CDH13: variants seen among roughly 807,000 people sequenced by gnomAD.
The protein encoded by CDH13 is cadherin 13, also known as cadherin-13.
A neutral mutation model predicts 63.8 loss-of-function variants in CDH13; 24 were observed. The ratio of observed to expected loss-of-function variants is 0.38; its 90% CI spans 0.27 to 0.53. CDH13 has a LOEUF of 0.53. Ranked by LOEUF, CDH13 falls within the 20% of genes least tolerant of loss-of-function variation. The pLI is 0.85. For synonymous variants in CDH13, 503 were observed against 355.3 expected, an observed-to-expected ratio of 1.42 and a Z score of -4.67; for missense variants, 1,049 against 903.1, an observed-to-expected ratio of 1.16 and a Z score of -2.07.
intron 7 of CDH13, among the ~76,000 whole-genome samples, chr16:83,522,500 C>T (rs528098860): frequency 6.6e-6 from 1 of 152,240 alleles, no homozygotes; most frequent in South Asian, 2.1e-4. Context: ...AGACTTGAAG[C>T]TGGTAATACT....
At position 83,595,162 on chromosome 16, in the gene CDH13, C is replaced by G. The variant is rs1420680839; in HGVS notation, c.961-7292C>G. Among the ~76,000 whole-genome samples, 4 of 152,212 alleles carry G rather than the reference C, an allele frequency of 2.6e-5. No individual in the cohort carries two copies. In the East Asian group the frequency reaches 7.7e-4, roughly 29 times the overall value. ...GCCAATTTAAGTTTTCCAGTTTTGA[C>G]ACAGTGCATTTCTTCCTCCAAATAA... On this transcript the variant is annotated intron_variant, in intron 7 of 13. Coordinates refer to ENST00000567109, the MANE Select transcript of CDH13 (RefSeq NM_001257.5).
At chr16:83,450,954 G>A (rs908803311) in intron 6 of CDH13, among the ~76,000 whole-genome samples, 1 of 152,094 alleles carries the variant, frequency 6.6e-6, no homozygotes, top group South Asian at 2.1e-4. Flanking sequence ...TCCCCTGGAG[G>A]GCTTGTGAAA....
At chr16:83,251,976 C>T (rs903905712) in intron 5 of CDH13, among the ~76,000 whole-genome samples, 2 of 151,822 alleles carry the variant, frequency 1.3e-5, no homozygotes, top group Non-Finnish European at 2.9e-5. Context: ...CCTTATAGGT[C>T]AGCAGTGTCC....
At chr16:83,725,224 G>T (rs1428473909) in intron 10 of CDH13, among the ~76,000 whole-genome samples, 1 of 152,236 alleles carries the variant, frequency 6.6e-6, no homozygotes. Context: ...TGTTCAGGCA[G>T]AGGAAATGGG....
intron 6 of CDH13, among the ~76,000 whole-genome samples, chr16:83,423,127 A>G (rs990734346): frequency 6.6e-6 from 1 of 152,166 alleles, no homozygotes. Flanking sequence ...TTTCTGCTAT[A>G]TTGACCCTGT....
chr16:83,467,164 C>G (rs916532928), intron 6 of CDH13, among the ~76,000 whole-genome samples: 3 of 152,170 alleles, frequency 2.0e-5, no homozygotes. Flanking sequence ...AGCCCCGGCT[C>G]TCAGTAAACT....
At chr16:83,522,590 C>T (rs2074866560) in intron 7 of CDH13, among the ~76,000 whole-genome samples, 1 of 152,072 alleles carries the variant, frequency 6.6e-6, no homozygotes, top group Non-Finnish European at 1.5e-5. Context: ...AGTTTTATAC[C>T]GTTCTATAAA....
intron 3 of CDH13, among the ~76,000 whole-genome samples, chr16:83,056,797 T>C (rs534067718): frequency 1.3e-5 from 2 of 151,948 alleles, no homozygotes; most frequent in East Asian, 3.9e-4. Context: ...TGATAGTGAA[T>C]AAGTCTCACG....
At chr16:83,342,890 T>A (rs1260643948) in intron 5 of CDH13, among the ~76,000 whole-genome samples, 1 of 142,660 alleles carries the variant, frequency 7.0e-6, no homozygotes, top group South Asian at 2.3e-4. Context: ...GTCAAGTCCT[T>A]GGCTATTTTG....
intron 4 of CDH13, among the ~76,000 whole-genome samples, chr16:83,146,281 T>C (rs140105828): frequency 7.9e-5 from 12 of 151,992 alleles, no homozygotes; most frequent in African/African-American, 2.7e-4. Flanking sequence ...GGTGGAGGGA[T>C]AGCAACTGCA....
At chr16:83,656,801 T>C (rs1396713384) in intron 8 of CDH13, among the ~76,000 whole-genome samples, 1 of 152,200 alleles carries the variant, frequency 6.6e-6, no homozygotes, top group Non-Finnish European at 1.5e-5. Context: ...CAGTTATCCT[T>C]TGCCTGTAAT....
At chr16:83,072,184 G>C (rs2032487288) in intron 3 of CDH13, among the ~76,000 whole-genome samples, 1 of 152,052 alleles carries the variant, frequency 6.6e-6, no homozygotes, top group Non-Finnish European at 1.5e-5. Flanking sequence ...ATCTCAATTT[G>C]GGTGCTAAAC....
chr16:83,035,256 A>C (rs72794199), intron 3 of CDH13, among the ~76,000 whole-genome samples: 19,374 of 152,100 alleles, frequency 0.13, 1,371 homozygotes, highest in African/African-American at 0.19. Flanking sequence ...TGAGTGCCTG[A>C]GTCAGCTCAG....
chr16:83,707,938 C>T (rs1907381629), intron 10 of CDH13, among the ~76,000 whole-genome samples: 1 of 150,780 alleles, frequency 6.6e-6, no homozygotes, highest in Non-Finnish European at 1.5e-5. Flanking sequence ...TCTCTTTGGA[C>T]TCATCCTCCT....
intron 4 of CDH13, among the ~76,000 whole-genome samples, chr16:83,196,569 G>T (rs2038885602): frequency 6.6e-6 from 1 of 152,100 alleles, no homozygotes. Flanking sequence ...GATATAGAAA[G>T]AACTCTCTAA....
chr16:83,431,132 A>G (rs556300483), intron 6 of CDH13, among the ~76,000 whole-genome samples: 1 of 151,820 alleles, frequency 6.6e-6, no homozygotes, highest in African/African-American at 2.4e-5. Context: ...CCATGTCCCT[A>G]CAAAGGACGT....
At chr16:83,100,249 A>G (rs1446307993) in intron 3 of CDH13, among the ~76,000 whole-genome samples, 2 of 152,080 alleles carry the variant, frequency 1.3e-5, no homozygotes, top group Non-Finnish European at 2.9e-5. Flanking sequence ...AAACAAAAAT[A>G]ATATAAATAA....
At chr16:82,870,500 G>A (rs2040306500) in intron 2 of CDH13, among the ~76,000 whole-genome samples, 1 of 152,126 alleles carries the variant, frequency 6.6e-6, no homozygotes, top group Non-Finnish European at 1.5e-5. Context: ...AAGGGTCCTG[G>A]GGAGGGAGAA....
At chr16:82,911,098 G>T (rs2151263813) in intron 2 of CDH13, among the ~76,000 whole-genome samples, 1 of 152,322 alleles carries the variant, frequency 6.6e-6, no homozygotes, top group East Asian at 1.9e-4. Flanking sequence ...TAGATCGTAA[G>T]TTGATGGGAA....
Sources: gnomAD v4.1 joint callset for allele counts (sites outside exome capture counted in the v4.1 genomes callset) on GRCh38, gnomAD v4.1.1 for gene constraint, MANE v1.5 for transcripts, NCBI Gene and HGNC (gene_info 2026-07-23, HGNC 2026-07-21) for gene names.